Variants in RALGAPA1 observed in about 807,000 individuals in gnomAD.
The protein encoded by RALGAPA1 is Ral GTPase activating protein catalytic subunit alpha 1.
Under a neutral mutation model 269.6 loss-of-function variants are expected in RALGAPA1, and 52 were observed. The observed-to-expected ratio is 0.19, with a 90% CI of 0.15 to 0.24. RALGAPA1 has a LOEUF of 0.24. Ranked by LOEUF, RALGAPA1 falls within the 10% of genes least tolerant of loss-of-function variation. RALGAPA1 has a pLI of 1.00. For synonymous variants in RALGAPA1, 817 were observed against 1,008.3 expected, an observed-to-expected ratio of 0.81 and a Z score of 3.60; for missense variants, 1,917 against 3,013.9, an observed-to-expected ratio of 0.64 and a Z score of 8.52.
At chr14:35,557,840 C>A (rs1463261329) in intron 39 of RALGAPA1, among the ~76,000 whole-genome samples, 1 of 152,140 alleles carries the variant, frequency 6.6e-6, no homozygotes, top group African/African-American at 2.4e-5. Context: ...CTTAAAATAT[C>A]TCTTCCTTAT....
At chr14:35,788,325 A>G (rs2075938482) in intron 1 of RALGAPA1, among the ~76,000 whole-genome samples, 1 of 152,152 alleles carries the variant, frequency 6.6e-6, no homozygotes, top group Non-Finnish European at 1.5e-5. Context: ...GCAAGTCACA[A>G]CATCCCTGAT....
chr14:35,690,068 C>CAAT, intron 17 of RALGAPA1, 65 bp from the exon 18 acceptor site: 1 of 1,170,926 alleles, frequency 8.5e-7, no homozygotes, highest in Non-Finnish European at 1.2e-6. Context: ...TTATTAATTT[C>CAAT]AATAATGCTC....
At chr14:35,708,716 G>T (rs1444600674) in intron 16 of RALGAPA1, among the ~76,000 whole-genome samples, 1 of 152,092 alleles carries the variant, frequency 6.6e-6, no homozygotes, top group Admixed American at 6.6e-5. Flanking sequence ...TAGAAATAGA[G>T]CTACCAATCC....
intron 16 of RALGAPA1, among the ~76,000 whole-genome samples, chr14:35,705,216 C>A (rs2067699822): frequency 6.6e-6 from 1 of 152,050 alleles, no homozygotes; most frequent in African/African-American, 2.4e-5. Flanking sequence ...TTATGTAGTA[C>A]CTTCTATGGG....
intron 39 of RALGAPA1, among the ~76,000 whole-genome samples, chr14:35,557,098 ATGTG>A (rs56835063): frequency 0.093 from 13,269 of 142,432 alleles, 860 homozygotes; most frequent in East Asian, 0.3. Flanking sequence ...TCCAATATGT[ATGTG>A]TGTGTGTGTG....
At chr14:35,543,163 G>A (rs912445757) in intron 41 of RALGAPA1, among the ~76,000 whole-genome samples, 3 of 152,130 alleles carry the variant, frequency 2.0e-5, no homozygotes, top group African/African-American at 7.2e-5. Context: ...TTGATCTTGG[G>A]CAAACTGACT....
At position 35,688,796 on chromosome 14, in the gene RALGAPA1, C is replaced by T. The variant is rs562622162; in HGVS notation, c.3615G>A (p.Glu1205=). Residue 1205 remains glutamate (E), a synonymous_variant, in exon 18 of 42, where the codon GAG becomes GAA. Coordinates refer to ENST00000680220, the MANE Select transcript of RALGAPA1 (RefSeq NM_001346249.2). ...NTHTSTNSAT[E]LVKPGVYRPL... Reference sequence around the variant, plus strand: ...GTCTGTACACACCAGGTTTTACTAGCTCTGTAGCACTATTTGTGCTGGTAT... The same window carrying T: ...GTCTGTACACACCAGGTTTTACTAGTTCTGTAGCACTATTTGTGCTGGTAT... 106 of 1,404,396 alleles carry T rather than the reference C, an allele frequency of 7.5e-5. No individual in the cohort carries two copies. In the South Asian group the frequency reaches 1.8e-3, roughly 24 times the overall value. The allele number at this position is 1,404,396 out of a possible 1,614,324, so 87.0% of individuals were successfully genotyped here.
At chr14:35,798,098 C>T (rs2141881336) in intron 1 of RALGAPA1, among the ~76,000 whole-genome samples, 1 of 151,684 alleles carries the variant, frequency 6.6e-6, no homozygotes, top group South Asian at 2.1e-4. Flanking sequence ...GTCTTGAACT[C>T]CTGGGCTCAA....
intron 35 of RALGAPA1, among the ~76,000 whole-genome samples, chr14:35,609,564 T>A (rs940451016): frequency 5.3e-5 from 8 of 152,116 alleles, no homozygotes; most frequent in Non-Finnish European, 1.0e-4. Flanking sequence ...AAAGATTTCA[T>A]TCACCTCCTT....
At chr14:35,644,390 C>G (rs76071183) in intron 31 of RALGAPA1, among the ~76,000 whole-genome samples, 1 of 151,966 alleles carries the variant, frequency 6.6e-6, no homozygotes, top group African/African-American at 2.4e-5. Context: ...AAAATTAAAA[C>G]AACAGAGATG....
intron 35 of RALGAPA1, among the ~76,000 whole-genome samples, chr14:35,611,622 G>A (rs2059941098): frequency 6.6e-6 from 1 of 151,902 alleles, no homozygotes; most frequent in Non-Finnish European, 1.5e-5. Flanking sequence ...CCTAGCTACT[G>A]GGGAGGATGA....
At chr14:35,661,763 T>C (rs1279469293) in intron 27 of RALGAPA1, among the ~76,000 whole-genome samples, 2 of 152,150 alleles carry the variant, frequency 1.3e-5, no homozygotes, top group Non-Finnish European at 2.9e-5. Flanking sequence ...CCTAGTCCAA[T>C]TGATAGGAAT....
At chr14:35,800,120 G>A (rs1272409472) in intron 1 of RALGAPA1, among the ~76,000 whole-genome samples, 6 of 152,064 alleles carry the variant, frequency 3.9e-5, no homozygotes, top group Non-Finnish European at 8.8e-5. Context: ...AAAGAAAACA[G>A]ACAAAACCCA....
intron 39 of RALGAPA1, among the ~76,000 whole-genome samples, chr14:35,550,553 A>G (rs887160192): frequency 5.9e-5 from 9 of 152,148 alleles, no homozygotes; most frequent in Admixed American, 6.5e-5. Flanking sequence ...AAATAATTCA[A>G]TGGGAGATAC....
At chr14:35,720,703 G>C (rs2069327030) in intron 16 of RALGAPA1, among the ~76,000 whole-genome samples, 1 of 152,188 alleles carries the variant, frequency 6.6e-6, no homozygotes, top group Non-Finnish European at 1.5e-5. Context: ...AAAGTGGGAG[G>C]ACTGCTTAAG....
chr14:35,775,183 C>T, intron 2 of RALGAPA1, 128 bp from the exon 3 acceptor site: 1 of 619,620 alleles, frequency 1.6e-6, no homozygotes, highest in East Asian at 2.9e-5. Flanking sequence ...AAGCATATTC[C>T]ATTCATTGTG....
chr14:35,572,359 G>A (rs61199183), intron 38 of RALGAPA1, among the ~76,000 whole-genome samples: 2,688 of 152,226 alleles, frequency 0.018, 82 homozygotes, highest in African/African-American at 0.061. Flanking sequence ...TTTAAACACA[G>A]TTTCTTGCTA....
At chr14:35,720,194 C>T (rs1221412812) in intron 16 of RALGAPA1, among the ~76,000 whole-genome samples, 2 of 152,168 alleles carry the variant, frequency 1.3e-5, no homozygotes, top group African/African-American at 2.4e-5. Flanking sequence ...TTTAATACTA[C>T]AATAACTTTT....
At chr14:35,674,317 C>CT in intron 23 of RALGAPA1, 39 bp from the exon 24 acceptor site, 1 of 1,497,984 alleles carries the variant, frequency 6.7e-7, no homozygotes, top group Non-Finnish European at 9.2e-7. Context: ...CCTAAGAAAA[C>CT]TGTTATCTCT....
Sources: gnomAD v4.1 joint callset for allele counts (sites outside exome capture counted in the v4.1 genomes callset) on GRCh38, gnomAD v4.1.1 for gene constraint, MANE v1.5 for transcripts, NCBI Gene and HGNC (gene_info 2026-07-23, HGNC 2026-07-21) for gene names.